Variants in CLN8 observed in about 807,000 individuals in gnomAD.
CLN8 encodes CLN8 transmembrane ER and ERGIC protein, also known as protein CLN8.
A neutral mutation model predicts 15.7 loss-of-function variants in CLN8; 14 were observed. The observed-to-expected ratio is 0.89, with a 90% CI of 0.59 to 1.39. The LOEUF is 1.39. Among genes scored for constraint, CLN8 ranks in the 40% most tolerant of loss-of-function variants. The pLI is 0.00. For missense variants in CLN8, 415 were observed against 364.0 expected, an observed-to-expected ratio of 1.14 and a Z score of -1.14; for synonymous variants, 188 against 151.0, an observed-to-expected ratio of 1.25 and a Z score of -1.80.
rs981699655 is a variant in CLN8, at chr8:1,784,545, C to T, written c.*3978C>T. The T allele has an allele frequency of 3.9e-5, 6 of 152,290 alleles. No individual in the cohort carries two copies. Among genetic ancestry groups the T allele is most frequent in the African/African-American group, 1.4e-4 (6 of 41,460 alleles). The allele number at this position is 152,290 out of a possible 1,614,324, so 9.4% of individuals were successfully genotyped here. A position where few individuals can be genotyped will look rare whatever the true frequency, so the allele number is the denominator to read the frequency against. ...GTGAATTCTGGAGGGGACACGGTCA[C>T]ACTGCAGCATCAGCACCCGGTGAAT... is the stretch of plus-strand genomic sequence containing the variant. On this transcript the variant is annotated 3_prime_UTR_variant, in exon 3 of 3. Coordinates refer to ENST00000331222, the MANE Select transcript of CLN8 (RefSeq NM_018941.4).
At chr8:1,779,297 C>T (rs1459377249) in intron 2 of CLN8, among the ~76,000 whole-genome samples, 1 of 152,210 alleles carries the variant, frequency 6.6e-6, no homozygotes, top group Non-Finnish European at 1.5e-5. Flanking sequence ...GACTAGATTG[C>T]AGTGGCACGA....
At chr8:1,753,988 C>G (rs1800610895), upstream of CLN8, among the ~76,000 whole-genome samples, 1 of 152,166 alleles carries the variant, frequency 6.6e-6, no homozygotes, top group East Asian at 1.9e-4. Flanking sequence ...CAAAGGAAAG[C>G]AAAAGGATAA....
intron 1 of CLN8, among the ~76,000 whole-genome samples, chr8:1,767,092 C>G (rs1801093592): frequency 6.6e-6 from 1 of 152,230 alleles, no homozygotes; most frequent in Admixed American, 6.5e-5. Context: ...CTTCTACCCT[C>G]ATGGCTGAGA....
intron 2 of CLN8, chr8:1,779,946 G>A: frequency 1.0e-6 from 1 of 985,240 alleles, no homozygotes; most frequent in South Asian, 4.7e-5. Flanking sequence ...AAGATTGAAG[G>A]GATACTGAAA....
chr8:1,771,215 G>A lies in CLN8; in HGVS notation c.161G>A (p.Arg54His), dbSNP rs372268977. The change falls in exon 2 of 3, where the codon CGT (arginine) becomes CAT (histidine). Residue 54 changes from arginine to histidine, a missense_variant. Transcript: ENST00000331222. Reference sequence around the variant, plus strand: ...TCCTCTTCCCTGAATGCCACTTACCGTTCTTTGGTGGCCAGAGAGAAGGTC... The same window carrying A: ...TCCTCTTCCCTGAATGCCACTTACCATTCTTTGGTGGCCAGAGAGAAGGTC... The part of the protein sequence containing the change: ...QLSSSLNATY[R>H]SLVAREKVFW... 68 of 1,613,806 alleles carry A rather than the reference G, an allele frequency of 4.2e-5. No individual in the cohort carries two copies. The highest frequency in any genetic ancestry group is 3.3e-4 in the Middle Eastern group (2 of 6,084).
chr8:1,770,327 T>C (rs1801248507), intron 1 of CLN8, among the ~76,000 whole-genome samples: 1 of 152,128 alleles, frequency 6.6e-6, no homozygotes. Flanking sequence ...TGGAAGGTTA[T>C]AGCATGGAGT....
chr8:1,758,244 C>G (rs931754623), intron 1 of CLN8: 5 of 152,174 alleles, frequency 3.3e-5, no homozygotes, highest in African/African-American at 1.2e-4. Flanking sequence ...CTCTTTATTT[C>G]TAAGGTTTAA....
chr8:1,753,297 G>A (rs959268518), upstream of CLN8, among the ~76,000 whole-genome samples: 2 of 122,522 alleles, frequency 1.6e-5, no homozygotes, highest in East Asian at 4.9e-4. Flanking sequence ...CTGGCTGGGC[G>A]CGGTGGCTCA....
chr8:1,760,854 A>G (rs10102731), upstream of CLN8, among the ~76,000 whole-genome samples: 107,138 of 151,948 alleles, frequency 0.71, 37,923 homozygotes, highest in South Asian at 0.78. Context: ...AGAATGTGCC[A>G]TCTTTGTTTC....
At chr8:1,754,581 T>C (rs1800624347), upstream of CLN8, among the ~76,000 whole-genome samples, 1 of 152,152 alleles carries the variant, frequency 6.6e-6, no homozygotes, top group Non-Finnish European at 1.5e-5. Flanking sequence ...TTTCTGAGAG[T>C]ATAGCAGTGA....
intron 2 of CLN8, among the ~76,000 whole-genome samples, chr8:1,777,145 G>T (rs1289649725): frequency 6.6e-6 from 1 of 152,184 alleles, no homozygotes; most frequent in Non-Finnish European, 1.5e-5. Flanking sequence ...TTCCCAGGCT[G>T]CATACCTGTA....
chr8:1,762,636 A>C (rs560150316), upstream of CLN8: 4 of 152,374 alleles, frequency 2.6e-5, no homozygotes, highest in African/African-American at 9.6e-5. Context: ...AAAGGGTTAT[A>C]ATAATTTTGA....
intron 2 of CLN8, among the ~76,000 whole-genome samples, chr8:1,772,576 A>G (rs1043355116): frequency 3.3e-5 from 5 of 152,146 alleles, no homozygotes; most frequent in African/African-American, 1.2e-4. Flanking sequence ...CTCTTGCCTC[A>G]GCCTCCCAAG....
intron 1 of CLN8, among the ~76,000 whole-genome samples, chr8:1,768,007 A>T (rs1801137491): frequency 6.8e-6 from 1 of 147,528 alleles, no homozygotes; most frequent in South Asian, 2.1e-4. Flanking sequence ...CAGTTGTGTG[A>T]TCTCGGCTCA....
intron 1 of CLN8, among the ~76,000 whole-genome samples, chr8:1,767,186 G>A (rs1482642721): frequency 1.3e-5 from 2 of 152,184 alleles, no homozygotes; most frequent in African/African-American, 2.4e-5. Flanking sequence ...CCACAGTAAC[G>A]AGTTAGACTA....
rs1445095954 is a variant in CLN8 at position 1,780,910 on chromosome 8, T to G, written c.*343T>G. The G allele has an allele frequency of 1.3e-5, 5 of 394,824 alleles. No individual in the cohort carries two copies. Among genetic ancestry groups the G allele is most frequent in the African/African-American group, 2.0e-5 (1 of 49,492 alleles). 24.5% of individuals were successfully genotyped at this position (394,824 alleles called of 1,614,324 possible). A position where few individuals can be genotyped will look rare whatever the true frequency, so the allele number is the denominator to read the frequency against. The stretch of plus-strand genomic sequence containing the variant: ...GGAAATGGCTTCATAGTGAAGTGCC[T>G]CCCACAGGGCGGGTGGGTCAGCGTT... On this transcript the variant is annotated 3_prime_UTR_variant, in exon 3 of 3. Transcript: ENST00000331222.
intron 2 of CLN8, among the ~76,000 whole-genome samples, chr8:1,775,398 C>T (rs922428773): frequency 3.9e-5 from 6 of 152,100 alleles, no homozygotes; most frequent in Non-Finnish European, 7.3e-5. Context: ...ATGTAACTGC[C>T]GGGCTCCAGA....
upstream of CLN8, chr8:1,759,934 A>T (rs150180241): frequency 6.6e-6 from 1 of 152,330 alleles, no homozygotes; most frequent in East Asian, 1.9e-4. Flanking sequence ...AGAAACAGGC[A>T]GAAGAGAACT....
rs142354509 is a variant in CLN8 at position 1,768,421 on chromosome 8, G to C, written c.-123-2511G>C. On this transcript the variant is annotated intron_variant, in intron 1 of 2. Transcript: ENST00000331222. ...TCCACTGAGGTGGATTTGAGTCATT[G>C]ATCTGGGCAGAGCCTTCTGGAGTCG... is the stretch of plus-strand genomic sequence containing the variant. 3.4e-3 allele frequency among the ~76,000 whole-genome samples: 516 copies of C among 152,300 alleles called. 7 individuals carry two copies. Among genetic ancestry groups the C allele is most frequent in the African/African-American group, 0.012 (492 of 41,554 alleles).
Sources: gnomAD v4.1 joint callset for allele counts (sites outside exome capture counted in the v4.1 genomes callset) on GRCh38, gnomAD v4.1.1 for gene constraint, MANE v1.5 for transcripts, NCBI Gene and HGNC (gene_info 2026-07-23, HGNC 2026-07-21) for gene names.